Variants in ADGRB3 observed in about 807,000 individuals in gnomAD.
ADGRB3 encodes adhesion G protein-coupled receptor B3.
A neutral mutation model predicts 193.4 loss-of-function variants in ADGRB3; 37 were observed. That is an observed-to-expected ratio of 0.19 (90% CI 0.15 to 0.25). The LOEUF is 0.25. Ranked by LOEUF, ADGRB3 falls within the 10% of genes least tolerant of loss-of-function variation. The pLI, the probability that ADGRB3 is intolerant of heterozygous loss-of-function variation, is 1.00. For synonymous variants in ADGRB3, 690 were observed against 644.2 expected (o/e 1.07, Z -1.08); for missense variants, 1,637 against 1,852.9 (o/e 0.88, Z 2.14).
At chr6:69,308,642 A>G (rs1227610620) in intron 20 of ADGRB3, among the ~76,000 whole-genome samples, 5 of 151,692 alleles carry the variant, frequency 3.3e-5, no homozygotes, top group African/African-American at 9.7e-5. Flanking sequence ...AGTAACATAG[A>G]AAAGATAAAA....
chr6:69,066,298 T>G (rs1771902872), intron 16 of ADGRB3, among the ~76,000 whole-genome samples: 1 of 151,882 alleles, frequency 6.6e-6, no homozygotes, highest in Admixed American at 6.6e-5. Context: ...TTTCACTTAT[T>G]TTCTTATATC....
chr6:69,049,705 A>G (rs2150302449), intron 15 of ADGRB3, among the ~76,000 whole-genome samples: 1 of 152,282 alleles, frequency 6.6e-6, no homozygotes, highest in East Asian at 1.9e-4. Flanking sequence ...GGTACTGTTC[A>G]TCAACATGAC....
chr6:69,305,108 G>A (rs1231572000), intron 20 of ADGRB3, among the ~76,000 whole-genome samples: 2 of 151,510 alleles, frequency 1.3e-5, no homozygotes, highest in Non-Finnish European at 2.9e-5. Context: ...TTCCTAGAAG[G>A]ACTATTGTGA....
In ADGRB3 at chr6:68,975,310, A is replaced by G; in HGVS notation, c.1704A>G (p.Ile568Met). Residue 568 changes from isoleucine (I) to methionine (M), a missense_variant, in exon 10 of 32, where the codon ATA becomes ATG. By Grantham distance (10) the Ile-to-Met change is conservative. Coordinates refer to ENST00000370598, the MANE Select transcript of ADGRB3 (RefSeq NM_001704.3). The part of the protein sequence containing the change: ...FWEQPSFARC[I>M]SNEYRHLQHS... The stretch of plus-strand genomic sequence containing the variant: ...AACAGCCGAGCTTTGCAAGATGCAT[A>G]TCAAATGAGTACAGACACTTGCAGC... 2 of 1,614,024 alleles carry G rather than the reference A, an allele frequency of 1.2e-6. No homozygotes were observed. The highest frequency in any genetic ancestry group is 1.7e-6 in the Non-Finnish European group (2 of 1,179,896).
At chr6:69,329,829 A>G (rs2127312708) in intron 22 of ADGRB3, among the ~76,000 whole-genome samples, 1 of 152,282 alleles carries the variant, frequency 6.6e-6, no homozygotes. Context: ...CTGCTGTGAG[A>G]GACTGTTTCT....
chr6:69,131,846 A>C (rs1272351697), intron 17 of ADGRB3, among the ~76,000 whole-genome samples: 1 of 138,698 alleles, frequency 7.2e-6, no homozygotes, highest in Non-Finnish European at 1.5e-5. Context: ...CTCATTGTTC[A>C]TCTCCCACTT....
chr6:69,004,556 C>CT (rs1376019265), intron 11 of ADGRB3, among the ~76,000 whole-genome samples: 2 of 120,612 alleles, frequency 1.7e-5, no homozygotes, highest in Non-Finnish European at 3.4e-5. Context: ...AATGCTATCC[C>CT]TCCCCCCTCC....
At chr6:68,935,159 T>C (rs1226054069) in intron 4 of ADGRB3, among the ~76,000 whole-genome samples, 1 of 152,220 alleles carries the variant, frequency 6.6e-6, no homozygotes, top group Non-Finnish European at 1.5e-5. Context: ...CTGGCCGTTA[T>C]GGTCTCTCAA....
intron 10 of ADGRB3, among the ~76,000 whole-genome samples, chr6:68,979,845 TTCTC>T (rs1768855885): frequency 6.6e-6 from 1 of 151,368 alleles, no homozygotes; most frequent in Admixed American, 6.6e-5. Context: ...AACATTCTCT[TTCTC>T]TCTCTCTTCT....
At chr6:69,028,221 G>A (rs1026965494) in intron 13 of ADGRB3, among the ~76,000 whole-genome samples, 2 of 152,108 alleles carry the variant, frequency 1.3e-5, no homozygotes, top group Non-Finnish European at 2.9e-5. Context: ...TACCACTTTT[G>A]TGTGACTTTT....
At position 69,006,285 on chromosome 6, in the gene ADGRB3, A is replaced by G. The variant is rs1009335918; in HGVS notation, c.1930-7753A>G. Among the ~76,000 whole-genome samples, 4 of 152,246 alleles carry G rather than the reference A, an allele frequency of 2.6e-5. No individual in the cohort carries two copies. In the South Asian group the frequency reaches 6.2e-4, roughly 24 times the overall value. On this transcript the variant is annotated intron_variant, in intron 11 of 31. Coordinates refer to ENST00000370598, the MANE Select transcript of ADGRB3 (RefSeq NM_001704.3). ...TATGGATGTATTCATGGTTTTATGT[A>G]TCATGCATGCAAATGTTATCAGCCA...
chr6:68,695,071 T>C (rs114470042), intron 3 of ADGRB3, among the ~76,000 whole-genome samples: 62 of 152,162 alleles, frequency 4.1e-4, no homozygotes, highest in African/African-American at 1.4e-3. Flanking sequence ...GCACCTGAAG[T>C]GTGGCTAATG....
chr6:68,997,529 G>A (rs1011524993), intron 11 of ADGRB3, among the ~76,000 whole-genome samples: 1 of 148,828 alleles, frequency 6.7e-6, no homozygotes, highest in Middle Eastern at 3.5e-3. Flanking sequence ...GGTAGTGCAT[G>A]CCTGTAATTC....
At chr6:69,001,656 T>G (rs1047534772) in intron 11 of ADGRB3, among the ~76,000 whole-genome samples, 1 of 152,010 alleles carries the variant, frequency 6.6e-6, no homozygotes, top group African/African-American at 2.4e-5. Flanking sequence ...CAGTTTAGAT[T>G]TGGGGGACAA....
intron 17 of ADGRB3, among the ~76,000 whole-genome samples, chr6:69,105,795 A>G (rs529453705): frequency 2.0e-5 from 3 of 152,338 alleles, no homozygotes; most frequent in African/African-American, 4.8e-5. Flanking sequence ...AGATGTGAAC[A>G]CAGCCTAGCA....
intron 17 of ADGRB3, among the ~76,000 whole-genome samples, chr6:69,213,958 G>T (rs1765719743): frequency 6.6e-6 from 1 of 152,076 alleles, no homozygotes; most frequent in Non-Finnish European, 1.5e-5. Context: ...CCTAAAAATT[G>T]AGTAGGGGAG....
intron 17 of ADGRB3, among the ~76,000 whole-genome samples, chr6:69,209,321 G>A (rs1172824993): frequency 1.3e-5 from 2 of 152,166 alleles, no homozygotes; most frequent in Non-Finnish European, 2.9e-5. Context: ...CTCTTTCTTA[G>A]TTGTGGGAGG....
intron 11 of ADGRB3, among the ~76,000 whole-genome samples, chr6:69,011,135 A>ATGTGTGTGTGTGTG (rs66675226): frequency 0.018 from 2,616 of 144,966 alleles, 78 homozygotes; most frequent in African/African-American, 0.059. Flanking sequence ...ATACATATAT[A>ATGTGTGTGTGTGTG]TGTGTGTGTG....
chr6:69,178,865 G>A (rs1187565117), intron 17 of ADGRB3, among the ~76,000 whole-genome samples: 1 of 152,130 alleles, frequency 6.6e-6, no homozygotes. Context: ...TTTTCTCTAA[G>A]TGCCTTTGAG....
Sources: allele counts gnomAD v4.1 joint callset (sites outside exome capture counted in the v4.1 genomes callset), GRCh38; gene constraint gnomAD v4.1.1; transcripts MANE v1.5; gene names NCBI Gene and HGNC (gene_info 2026-07-23, HGNC 2026-07-21).